HHAT: variants seen among roughly 807,000 people sequenced by gnomAD.
The protein encoded by HHAT is hedgehog acyltransferase, also known as protein-cysteine N-palmitoyltransferase HHAT.
HHAT carries 47 observed loss-of-function variants against 70.8 expected under a neutral mutation model. The observed-to-expected ratio is 0.66, with a 90% CI of 0.53 to 0.85. HHAT has a LOEUF of 0.85. Among genes scored for constraint, HHAT ranks in the 40% least tolerant of loss-of-function variants. The pLI, the probability that HHAT is intolerant of heterozygous loss-of-function variation, is 0.00. For synonymous variants in HHAT, 228 were observed against 247.6 expected (o/e 0.92, Z 0.74); for missense variants, 609 against 604.8 (o/e 1.01, Z -0.07).
At chr1:210,558,900 T>C (rs1445483722) in intron 9 of HHAT, among the ~76,000 whole-genome samples, 1 of 152,164 alleles carries the variant, frequency 6.6e-6, no homozygotes, top group Non-Finnish European at 1.5e-5. Flanking sequence ...GTCACCTTAG[T>C]GCTAATGATG....
chr1:210,546,084 A>G (rs894730422), intron 9 of HHAT, among the ~76,000 whole-genome samples: 24 of 152,212 alleles, frequency 1.6e-4, no homozygotes, highest in African/African-American at 5.5e-4. Context: ...ATCCCTTTAG[A>G]TGACACTATG....
At chr1:210,381,663 C>A (rs2090646747) in intron 3 of HHAT, among the ~76,000 whole-genome samples, 1 of 152,206 alleles carries the variant, frequency 6.6e-6, no homozygotes, top group Non-Finnish European at 1.5e-5. Flanking sequence ...TGATAGCAAA[C>A]TATCTGCAAA....
intron 11 of HHAT, among the ~76,000 whole-genome samples, chr1:210,625,749 A>C (rs1173120579): frequency 6.6e-6 from 1 of 152,242 alleles, no homozygotes; most frequent in Non-Finnish European, 1.5e-5. Context: ...ATACAAATCC[A>C]GTGGCTTTTT....
chr1:210,461,679 A>G (rs1178419404), intron 7 of HHAT, among the ~76,000 whole-genome samples: 1 of 152,232 alleles, frequency 6.6e-6, no homozygotes, highest in Non-Finnish European at 1.5e-5. Flanking sequence ...TACAAACACA[A>G]TTTTTAAAGA....
At chr1:210,405,250 C>T (rs116324615) in intron 6 of HHAT, among the ~76,000 whole-genome samples, 1,980 of 152,138 alleles carry the variant, frequency 0.013, 45 homozygotes, top group African/African-American at 0.045. Context: ...CTGCCTTCCT[C>T]GGACGGCATC....
At chr1:210,430,396 A>G (rs2093208131) in intron 7 of HHAT, among the ~76,000 whole-genome samples, 1 of 151,872 alleles carries the variant, frequency 6.6e-6, no homozygotes, top group South Asian at 2.1e-4. Flanking sequence ...GGAGGCCTGA[A>G]CATTTCCAGT....
At chr1:210,450,031 AC>A in intron 7 of HHAT, among the ~76,000 whole-genome samples, 1 of 152,110 alleles carries the variant, frequency 6.6e-6, no homozygotes, top group South Asian at 2.1e-4. Flanking sequence ...GTGGTGGCTC[AC>A]CCCTGTTATC....
chr1:210,563,431 G>A (rs904023752), intron 9 of HHAT, among the ~76,000 whole-genome samples: 9 of 152,162 alleles, frequency 5.9e-5, no homozygotes, highest in Middle Eastern at 3.2e-3. Context: ...AGTAGAGTGG[G>A]GTGGAAGGCA....
At chr1:210,586,237 G>A (rs1429356416) in intron 9 of HHAT, among the ~76,000 whole-genome samples, 1 of 152,116 alleles carries the variant, frequency 6.6e-6, no homozygotes, top group African/African-American at 2.4e-5. Context: ...GAGGCTAGGA[G>A]TTCAAGACCA....
chr1:210,370,708 G>A (rs1032764131), intron 3 of HHAT, among the ~76,000 whole-genome samples: 2 of 140,498 alleles, frequency 1.4e-5, no homozygotes, highest in Admixed American at 7.7e-5. Context: ...TCCGCCTCCC[G>A]GGTTCAAGCG....
At chr1:210,620,906 T>TC (rs1668688164) in intron 10 of HHAT, among the ~76,000 whole-genome samples, 3 of 148,996 alleles carry the variant, frequency 2.0e-5, no homozygotes, top group Admixed American at 6.7e-5. Context: ...TTTTTTTTTT[T>TC]CCTAAGTAGA....
At chr1:210,387,227 G>A (rs990469058) in intron 3 of HHAT, among the ~76,000 whole-genome samples, 6 of 152,168 alleles carry the variant, frequency 3.9e-5, no homozygotes, top group African/African-American at 1.4e-4. Flanking sequence ...GTGCATTTGG[G>A]GAATGGCAAT....
chr1:210,490,644 C>T (rs2094536665), intron 8 of HHAT, among the ~76,000 whole-genome samples: 1 of 152,168 alleles, frequency 6.6e-6, no homozygotes, highest in Non-Finnish European at 1.5e-5. Flanking sequence ...GATTATTAAT[C>T]AAAACTAATG....
intron 9 of HHAT, among the ~76,000 whole-genome samples, chr1:210,553,275 C>T (rs1267789901): frequency 1.3e-5 from 2 of 152,110 alleles, no homozygotes; most frequent in East Asian, 3.9e-4. Flanking sequence ...AGGGTGTGTC[C>T]ATTTGCTCTT....
chr1:210,663,090 C>A (rs1028258240), intron 11 of HHAT, among the ~76,000 whole-genome samples: 1 of 152,078 alleles, frequency 6.6e-6, no homozygotes, highest in African/African-American at 2.4e-5. Context: ...AATAAAGGGT[C>A]ATGCAGGCAC....
chr1:210,605,063 G>A (rs957823654), intron 10 of HHAT, among the ~76,000 whole-genome samples: 4 of 151,242 alleles, frequency 2.6e-5, no homozygotes, highest in African/African-American at 7.3e-5. Context: ...GAAAGATAGA[G>A]GTGTCATTCT....
Position 210,623,551 on chromosome 1 carries a change from G to A in HHAT, c.1271G>A (p.Arg424His), listed in dbSNP as rs752178549. Residue 424 changes from arginine (R) to histidine (H), a missense_variant, in exon 11 of 12, where the codon CGC becomes CAC. By Grantham distance (29) the Arg-to-His change is conservative (BLOSUM62 0). Transcript: ENST00000261458. ...SLARYFSPQARRRFHAALASC... is the reference protein window; with the variant it reads ...SLARYFSPQAHRRFHAALASC... Reference sequence around the variant, plus strand: ...GCCCGATACTTCTCCCCACAAGCTCGCCGTCGATTCCACGCTGCCCTTGCT... The same window carrying A: ...GCCCGATACTTCTCCCCACAAGCTCACCGTCGATTCCACGCTGCCCTTGCT... The A allele has an allele frequency of 2.9e-5, 47 of 1,613,838 alleles. No homozygotes were observed. Among genetic ancestry groups the A allele is most frequent in the East Asian group, 2.7e-4 (12 of 44,878 alleles).
intron 2 of HHAT, among the ~76,000 whole-genome samples, chr1:210,351,636 C>T (rs1431154116): frequency 6.6e-6 from 1 of 152,168 alleles, no homozygotes; most frequent in Non-Finnish European, 1.5e-5. Flanking sequence ...TCTGGTGGCT[C>T]GATTGGGCTC....
At chr1:210,494,286 T>C (rs1190409804) in intron 8 of HHAT, among the ~76,000 whole-genome samples, 1 of 152,120 alleles carries the variant, frequency 6.6e-6, no homozygotes, top group Non-Finnish European at 1.5e-5. Context: ...TGAGAATGGC[T>C]TTTTGGGAGC....
Sources: allele counts gnomAD v4.1 joint callset (sites outside exome capture counted in the v4.1 genomes callset), GRCh38; gene constraint gnomAD v4.1.1; transcripts MANE v1.5; gene names NCBI Gene and HGNC (gene_info 2026-07-23, HGNC 2026-07-21).